The following PLD5 variants were observed in gnomAD, a reference collection of about 807,000 sequenced individuals.
The protein encoded by PLD5 is inactive phospholipase D5.
PLD5 carries 36 observed loss-of-function variants against 61.1 expected under a neutral mutation model. The ratio of observed to expected loss-of-function variants is 0.59; its 90% CI spans 0.45 to 0.78. The LOEUF (loss-of-function observed/expected upper bound fraction) is 0.78, where lower values mean the gene tolerates loss of function less well. Among genes scored for constraint, PLD5 ranks in the 30% least tolerant of loss-of-function variants. The probability of loss-of-function intolerance (pLI) is 0.00; values close to 1 mark genes in which losing one functional copy is unlikely to be tolerated. For missense variants in PLD5, 515 were observed against 644.4 expected (o/e 0.80, Z 2.17); for synonymous variants, 243 against 242.8 (o/e 1.00, Z -0.01).
intron 1 of PLD5, among the ~76,000 whole-genome samples, chr1:242,462,444 G>C (rs1425052778): frequency 1.3e-5 from 2 of 151,938 alleles, no homozygotes; most frequent in African/African-American, 4.8e-5. Flanking sequence ...TAAAACATGG[G>C]AACAAGAGCC....
intron 1 of PLD5, among the ~76,000 whole-genome samples, chr1:242,479,208 A>G (rs1322326206): frequency 6.6e-6 from 1 of 152,218 alleles, no homozygotes; most frequent in African/African-American, 2.4e-5. Flanking sequence ...AAGGAATGCA[A>G]TAGGCACAAA....
intron 9 of PLD5, among the ~76,000 whole-genome samples, chr1:242,099,833 A>G (rs1218683051): frequency 6.6e-6 from 1 of 152,214 alleles, no homozygotes; most frequent in Non-Finnish European, 1.5e-5. Context: ...TTCTGCCTTA[A>G]GACTGCTGCT....
At chr1:242,388,203 G>A (rs1662712488) in intron 1 of PLD5, among the ~76,000 whole-genome samples, 1 of 152,196 alleles carries the variant, frequency 6.6e-6, no homozygotes, top group Admixed American at 6.5e-5. Flanking sequence ...TGCAGAAGGG[G>A]ATGTGAGGTT....
Position 242,253,585 on chromosome 1 carries a change from TTAC to T in PLD5, c.607+11749_607+11751del, listed in dbSNP as rs571463574. 2.2e-3 allele frequency among the ~76,000 whole-genome samples: 334 copies of T among 152,182 alleles called. 1 individual carries two copies. Among genetic ancestry groups the T allele is most frequent in the African/African-American group, 7.7e-3 (319 of 41,486 alleles). On this transcript the variant is annotated intron_variant, in intron 4 of 9. Coordinates refer to ENST00000536534, the MANE Select transcript of PLD5 (RefSeq NM_001372062.1). The stretch of plus-strand genomic sequence containing the variant: ...GCCTCGGTCTCCCAAAGTGCTGGGA[TTAC>T]AGGCGTGAGCCACCGCGCCCGGCCG...
chr1:242,209,662 C>T (rs1199040660), intron 5 of PLD5, among the ~76,000 whole-genome samples: 1 of 111,458 alleles, frequency 9.0e-6, no homozygotes, highest in Non-Finnish European at 2.0e-5. Flanking sequence ...ACCAGCTGTT[C>T]CCCTGTCTCT....
intron 4 of PLD5, among the ~76,000 whole-genome samples, chr1:242,228,421 C>G (rs528410526): frequency 6.6e-6 from 1 of 152,226 alleles, no homozygotes; most frequent in South Asian, 2.1e-4. Flanking sequence ...AGCCTAGGTC[C>G]CATGTGAAAA....
At chr1:242,172,619 G>A (rs1218114144) in intron 5 of PLD5, among the ~76,000 whole-genome samples, 2 of 152,040 alleles carry the variant, frequency 1.3e-5, no homozygotes, top group South Asian at 4.1e-4. Flanking sequence ...CAACAAAATA[G>A]ATAGACTTCT....
chr1:242,109,311 C>T (rs2148690973), intron 7 of PLD5, among the ~76,000 whole-genome samples: 1 of 152,316 alleles, frequency 6.6e-6, no homozygotes, highest in Middle Eastern at 3.4e-3. Flanking sequence ...AACCCCGTCT[C>T]TAATAAAAAT....
At chr1:242,401,648 T>C (rs1663940468) in intron 1 of PLD5, among the ~76,000 whole-genome samples, 1 of 152,186 alleles carries the variant, frequency 6.6e-6, no homozygotes, top group Non-Finnish European at 1.5e-5. Flanking sequence ...TATCTGGAGT[T>C]CTGTCCTTTC....
At chr1:242,428,190 T>C (rs1665535223) in intron 1 of PLD5, among the ~76,000 whole-genome samples, 1 of 152,196 alleles carries the variant, frequency 6.6e-6, no homozygotes, top group Non-Finnish European at 1.5e-5. Flanking sequence ...TATTTTAGAC[T>C]CTTTGATACA....
intron 2 of PLD5, among the ~76,000 whole-genome samples, chr1:242,318,841 CAAGAAGAGAAAA>C (rs1658195515): frequency 6.6e-6 from 1 of 151,460 alleles, no homozygotes; most frequent in African/African-American, 2.4e-5. Context: ...AAAGGGGGAA[CAAGAAGAGAAAA>C]GGGAAGAAAG....
At chr1:242,310,453 A>C (rs1676635931) in intron 2 of PLD5, among the ~76,000 whole-genome samples, 1 of 152,168 alleles carries the variant, frequency 6.6e-6, no homozygotes, top group Non-Finnish European at 1.5e-5. Context: ...TCCTGTTCTC[A>C]GGCTCCCCTA....
chr1:242,348,856 C>T (rs569142540), intron 1 of PLD5, among the ~76,000 whole-genome samples: 4 of 152,258 alleles, frequency 2.6e-5, no homozygotes, highest in East Asian at 3.9e-4. Context: ...AGATCAAGAC[C>T]GTCCTGGCTA....
At chr1:242,404,378 G>A (rs1197984244) in intron 1 of PLD5, among the ~76,000 whole-genome samples, 2 of 152,144 alleles carry the variant, frequency 1.3e-5, no homozygotes, top group African/African-American at 2.4e-5. Context: ...ATGAGAAAGA[G>A]CATGGCACAT....
At chr1:242,241,016 T>C (rs78839489) in intron 4 of PLD5, among the ~76,000 whole-genome samples, 12,950 of 152,242 alleles carry the variant, frequency 0.085, 708 homozygotes, top group East Asian at 0.16. Flanking sequence ...TTGGCAGAGA[T>C]ATTATTTTAA....
At chr1:242,291,624 G>A (rs371587696) in intron 2 of PLD5, among the ~76,000 whole-genome samples, 3 of 152,156 alleles carry the variant, frequency 2.0e-5, no homozygotes, top group East Asian at 3.9e-4. Context: ...GGCTAACACG[G>A]TGAAACCCCG....
chr1:242,497,993 C>T lies in PLD5; in HGVS notation c.189+26095G>A, dbSNP rs569861405. ...TATTTAATTTTTTTTGAGATGGAGTCTCGCTCTGTCACCCAGGCTGGAGTG... is the reference window on the plus strand; with the variant it reads ...TATTTAATTTTTTTTGAGATGGAGTTTCGCTCTGTCACCCAGGCTGGAGTG... On this transcript the variant is annotated intron_variant, in intron 1 of 9. Transcript: ENST00000536534. 3.3e-5 allele frequency among the ~76,000 whole-genome samples: 5 copies of T among 152,136 alleles called. No homozygotes were observed. In the East Asian group the frequency reaches 9.7e-4, roughly 29 times the overall value.
At chr1:242,228,968 C>G (rs751606953) in intron 4 of PLD5, among the ~76,000 whole-genome samples, 2 of 152,110 alleles carry the variant, frequency 1.3e-5, no homozygotes, top group Admixed American at 6.5e-5. Context: ...CGGTATTAAC[C>G]AGATAATGTT....
intron 1 of PLD5, among the ~76,000 whole-genome samples, chr1:242,360,492 T>C (rs1661004549): frequency 6.6e-6 from 1 of 152,138 alleles, no homozygotes; most frequent in African/African-American, 2.4e-5. Flanking sequence ...TTTAACTGTG[T>C]TGAAAAAAGC....
Sources: gnomAD v4.1 joint callset for allele counts (sites outside exome capture counted in the v4.1 genomes callset) on GRCh38, gnomAD v4.1.1 for gene constraint, MANE v1.5 for transcripts, NCBI Gene and HGNC (gene_info 2026-07-23, HGNC 2026-07-21) for gene names.